Variants in LINGO1 observed in about 807,000 individuals in gnomAD.
LINGO1 encodes the protein leucine rich repeat and Ig domain containing 1.
LINGO1 carries 11 observed loss-of-function variants against 37.3 expected under a neutral mutation model. That is an observed-to-expected ratio of 0.29 (90% CI 0.19 to 0.49). The LOEUF is 0.49. Among genes scored for constraint, LINGO1 ranks in the 20% least tolerant of loss-of-function variants. The pLI is 0.99. For missense variants in LINGO1, 585 were observed against 878.2 expected, an observed-to-expected ratio of 0.67 and a Z score of 4.22; for synonymous variants, 387 against 403.0, an observed-to-expected ratio of 0.96 and a Z score of 0.48.
chr15:77,800,522 C>G (rs1283643929), intron 1 of LINGO1, among the ~76,000 whole-genome samples: 1 of 152,214 alleles, frequency 6.6e-6, no homozygotes, highest in African/African-American at 2.4e-5. Context: ...CTCCCCTCCC[C>G]CAGAGCCAGG....
At chr15:77,662,277 C>T (rs1316784787) in intron 3 of LINGO1, among the ~76,000 whole-genome samples, 1 of 152,172 alleles carries the variant, frequency 6.6e-6, no homozygotes, top group Non-Finnish European at 1.5e-5. Context: ...TCAGCTGCCC[C>T]AGCTCCTGCC....
intron 1 of LINGO1, among the ~76,000 whole-genome samples, chr15:77,768,728 T>C: frequency 6.6e-6 from 1 of 152,070 alleles, no homozygotes; most frequent in East Asian, 1.9e-4. Context: ...TCCCCGCCCC[T>C]CTCAGCAGCC....
intron 1 of LINGO1, among the ~76,000 whole-genome samples, chr15:77,757,508 G>C (rs1362691086): frequency 3.3e-5 from 5 of 152,240 alleles, no homozygotes; most frequent in African/African-American, 4.8e-5. Context: ...TTCATTGGTC[G>C]ATGGGGATAC....
Position 77,766,308 on chromosome 15 carries a change from A to AAAAAAAAAC in LINGO1, c.-257+20560_-257+20561insGTTTTTTTT, listed in dbSNP as rs1555539947. On this transcript the variant is annotated intron_variant, in intron 1 of 3. Coordinates refer to the LINGO1 transcript ENST00000561686. ...AGGAGACCCTGTCTCAAAAAAAAAA[A>AAAAAAAAAC]AAAAAAAAACACACAAACAGAGAGA... Among the ~76,000 whole-genome samples the AAAAAAAAAC allele has an allele frequency of 6.3e-4, 93 of 146,544 alleles. 1 individual carries two copies. The highest frequency in any genetic ancestry group is 2.3e-3 in the African/African-American group (86 of 36,926).
At chr15:77,812,307 A>C (rs1191167438) in intron 1 of LINGO1, among the ~76,000 whole-genome samples, 1 of 152,220 alleles carries the variant, frequency 6.6e-6, no homozygotes. Flanking sequence ...TTGGAGCCTC[A>C]GAATACCCCT....
chr15:77,700,996 G>T (rs2075775732), upstream of LINGO1, among the ~76,000 whole-genome samples: 1 of 152,196 alleles, frequency 6.6e-6, no homozygotes, highest in Non-Finnish European at 1.5e-5. Flanking sequence ...GAGGAAAGCG[G>T]CAGTGTCCCC....
At chr15:77,710,575 C>T (rs1027440158) in intron 2 of LINGO1, among the ~76,000 whole-genome samples, 3 of 152,242 alleles carry the variant, frequency 2.0e-5, no homozygotes, top group East Asian at 3.8e-4. Flanking sequence ...CCAGAAACTC[C>T]GTTTTCTGAC....
At chr15:77,703,349 T>C (rs533261120) in intron 2 of LINGO1, among the ~76,000 whole-genome samples, 1 of 152,252 alleles carries the variant, frequency 6.6e-6, no homozygotes, top group South Asian at 2.1e-4. Context: ...AGAACGTGAT[T>C]GTTTCGTGTC....
At chr15:77,807,509 T>C (rs1378710622) in intron 1 of LINGO1, among the ~76,000 whole-genome samples, 1 of 152,128 alleles carries the variant, frequency 6.6e-6, no homozygotes, top group East Asian at 1.9e-4. Context: ...TGGATGGACA[T>C]ATAATCACTC....
intron 2 of LINGO1, among the ~76,000 whole-genome samples, chr15:77,703,343 C>T (rs967153398): frequency 2.0e-5 from 3 of 152,164 alleles, no homozygotes; most frequent in Admixed American, 1.3e-4. Flanking sequence ...ACTCTTAGAA[C>T]GTGATTGTTT....
At chr15:77,627,655 AAC>A (rs1337823817) in intron 1 of LINGO1, among the ~76,000 whole-genome samples, 1 of 152,114 alleles carries the variant, frequency 6.6e-6, no homozygotes, top group East Asian at 1.9e-4. Context: ...AAAATAATGA[AAC>A]ACAGGCTCCC....
upstream of LINGO1, among the ~76,000 whole-genome samples, chr15:77,697,821 G>A (rs73465815): frequency 0.019 from 2,898 of 152,292 alleles, 101 homozygotes; most frequent in African/African-American, 0.067. Flanking sequence ...AAAGGAAAAC[G>A]AGTTGGGCTT....
rs911487499 is a variant in LINGO1, at chr15:77,701,642, C to A, written c.-194-10741G>T. ...GCCCTTCTCGCCCTCTAACGAGTAA[C>A]AAGTTCTCACTCTATTAGTTCCCAT... On this transcript the variant is annotated intron_variant, in intron 2 of 3. Coordinates refer to the LINGO1 transcript ENST00000561686. Among the ~76,000 whole-genome samples the A allele has an allele frequency of 2.6e-5, 4 of 152,242 alleles. No individual in the cohort carries two copies. In the South Asian group the frequency reaches 6.2e-4, roughly 24 times the overall value.
chr15:77,653,397 T>G (rs868738813), intron 3 of LINGO1, among the ~76,000 whole-genome samples: 8 of 152,360 alleles, frequency 5.3e-5, no homozygotes, highest in Middle Eastern at 6.8e-3. Flanking sequence ...GGGAAGTTGC[T>G]GAGTGACAGG....
intron 2 of LINGO1, among the ~76,000 whole-genome samples, chr15:77,793,231 A>G (rs1320603894): frequency 2.0e-5 from 3 of 152,094 alleles, no homozygotes; most frequent in Non-Finnish European, 4.4e-5. Flanking sequence ...TTTAAACACC[A>G]CGGATCCCAC....
At chr15:77,689,323 A>G (rs935550371) in intron 2 of LINGO1, among the ~76,000 whole-genome samples, 1 of 152,138 alleles carries the variant, frequency 6.6e-6, no homozygotes, top group African/African-American at 2.4e-5. Context: ...ACCAGAGAAG[A>G]CAACACACTC....
rs758994467 is a variant in LINGO1, at chr15:77,614,254, G to C, written c.1653C>G (p.Pro551=). Residue 551 remains proline (P), a synonymous_variant, in exon 2 of 2, where the codon CCC becomes CCG. Transcript: ENST00000355300. The part of the protein sequence containing the change: ...ANSTRATVPF[P]FDIKTLIIAT... ...CGATGATGAGGGTCTTGATGTCGAA[G>C]GGGAAAGGCACAGTGGCGCGGGTGC... The C allele has an allele frequency of 1.9e-6, 3 of 1,614,038 alleles. No individual in the cohort carries two copies.
intron 2 of LINGO1, among the ~76,000 whole-genome samples, chr15:77,724,268 G>A (rs1016188273): frequency 2.6e-5 from 4 of 152,316 alleles, no homozygotes; most frequent in Admixed American, 1.3e-4. Context: ...TGTCTGCACC[G>A]ACTCAGCATC....
intron 1 of LINGO1, among the ~76,000 whole-genome samples, chr15:77,810,902 A>G (rs1213002285): frequency 1.3e-5 from 2 of 152,164 alleles, no homozygotes; most frequent in African/African-American, 2.4e-5. Context: ...GGAGGCCGGA[A>G]GACAAAGGAG....
Sources: allele counts gnomAD v4.1 joint callset (sites outside exome capture counted in the v4.1 genomes callset), GRCh38; gene constraint gnomAD v4.1.1; transcripts MANE v1.5; gene names NCBI Gene and HGNC (gene_info 2026-07-23, HGNC 2026-07-21).